Variants in DHRS12 observed in about 807,000 individuals in gnomAD.
The protein encoded by DHRS12 is dehydrogenase/reductase 12.
Under a neutral mutation model 32.1 loss-of-function variants are expected in DHRS12, and 29 were observed. That is an observed-to-expected ratio of 0.90 (90% CI 0.67 to 1.23). The LOEUF (loss-of-function observed/expected upper bound fraction) is 1.23, where lower values mean the gene tolerates loss of function less well. Ranked by LOEUF, DHRS12 falls within the 50% of genes most tolerant of loss-of-function variation. DHRS12 has a pLI of 0.00. For synonymous variants in DHRS12, 150 were observed against 135.9 expected, an observed-to-expected ratio of 1.10 and a Z score of -0.72; for missense variants, 330 against 337.2, an observed-to-expected ratio of 0.98 and a Z score of 0.17.
chr13:51,776,836 C>T (rs989102645), intron 5 of DHRS12, among the ~76,000 whole-genome samples: 3 of 151,938 alleles, frequency 2.0e-5, no homozygotes, highest in African/African-American at 4.8e-5. Context: ...ACGTGACAGC[C>T]GGAGTGGGGG....
At chr13:51,773,792 C>T (rs1287956184) in intron 6 of DHRS12, 138 bp downstream of exon 6, 3 of 725,290 alleles carry the variant, frequency 4.1e-6, no homozygotes, top group Admixed American at 4.7e-5. Flanking sequence ...GGGGAGCCCT[C>T]TTGGTGAGGG....
At chr13:51,773,001 G>C in intron 6 of DHRS12, 1 of 985,452 alleles carries the variant, frequency 1.0e-6, no homozygotes, top group Non-Finnish European at 1.2e-6. Context: ...GAAGGCGGAG[G>C]GTGCTGGCAG....
Position 51,768,850 on chromosome 13 carries a change from C to A in DHRS12, c.697+306G>T, listed in dbSNP as rs1047046827. On this transcript the variant is annotated intron_variant, in intron 8 of 8. Coordinates refer to ENST00000444610, the MANE Select transcript of DHRS12 (RefSeq NM_001377533.1). ...CTTTGCAGTGCAGCTTTGAATAGCG[C>A]CCCTCCTGGGCCTCAGCAAACTGCA... 3.0e-6 allele frequency: 4 copies of A among 1,345,306 alleles called. No individual in the cohort carries two copies. In the African/African-American group the frequency reaches 4.5e-5, roughly 15 times the overall value. 83.3% of individuals were successfully genotyped at this position (1,345,306 alleles called of 1,614,324 possible). A position where few individuals can be genotyped will look rare whatever the true frequency, so the allele number is the denominator to read the frequency against.
At position 51,769,371 on chromosome 13, in the gene DHRS12, A is replaced by G; in HGVS notation, c.560-78T>C. ...GTTGACTTCCCTTAATTTAAAAAAA[A>G]AAAAAAGTGCAAAAATGAAATGGGA... On this transcript the variant is annotated intron_variant, in intron 7 of 8. Transcript: ENST00000444610. 4 of 1,214,906 alleles carry G rather than the reference A, an allele frequency of 3.3e-6. No homozygotes were observed. The South Asian group carries it at 6.6e-5, about 20-fold the overall frequency. 75.3% of individuals were successfully genotyped at this position (1,214,906 alleles called of 1,614,324 possible). A position where few individuals can be genotyped will look rare whatever the true frequency, so the allele number is the denominator to read the frequency against.
At chr13:51,783,120 A>G (rs1954796741) in intron 4 of DHRS12, among the ~76,000 whole-genome samples, 1 of 152,186 alleles carries the variant, frequency 6.6e-6, no homozygotes, top group Non-Finnish European at 1.5e-5. Context: ...AGAAAACCGA[A>G]AATCAATGGG....
chr13:51,802,065 G>A (rs753084631), intron 1 of DHRS12, among the ~76,000 whole-genome samples: 1 of 152,044 alleles, frequency 6.6e-6, no homozygotes, highest in African/African-American at 2.4e-5. Flanking sequence ...ATCCTGGTCC[G>A]ATCTGTTGTT....
At chr13:51,774,265 T>C (rs1482476565) in intron 5 of DHRS12, 1 of 407,596 alleles carries the variant, frequency 2.5e-6, no homozygotes, top group Non-Finnish European at 4.2e-6. Context: ...TGTATTCTCC[T>C]ACAGTATTCT....
chr13:51,768,756 G>C, intron 8 of DHRS12: 1 of 1,141,016 alleles, frequency 8.8e-7, no homozygotes, highest in Non-Finnish European at 1.1e-6. Flanking sequence ...ACAGATCACT[G>C]CTTCCAAAAA....
At chr13:51,797,894 G>A in intron 2 of DHRS12, 1 of 1,535,942 alleles carries the variant, frequency 6.5e-7, no homozygotes, top group Non-Finnish European at 8.7e-7. Flanking sequence ...CGACAAACCA[G>A]GTGAACTGTG....
intron 2 of DHRS12, among the ~76,000 whole-genome samples, chr13:51,796,435 C>T (rs946124248): frequency 7.9e-5 from 12 of 152,134 alleles, no homozygotes; most frequent in African/African-American, 1.7e-4. Context: ...ATTCAAATCC[C>T]GTCAAGTGTA....
the DHRS12 span, chr13:51,762,592 G>A: frequency 2.0e-5 from 3 of 152,222 alleles, no homozygotes; most frequent in Admixed American, 6.5e-5. Context: ...AGAGAAATAT[G>A]TGCTGGTGTT....
At chr13:51,758,164 C>A in the DHRS12 span, 1 of 1,523,008 alleles carries the variant, frequency 6.6e-7, no homozygotes, top group Non-Finnish European at 9.0e-7. Flanking sequence ...CACCTTTTCC[C>A]CTCAGAAGCT....
intron 8 of DHRS12, 184 bp from the exon 9 acceptor site, chr13:51,768,480 T>G (rs1383285622): frequency 1.4e-6 from 2 of 1,425,088 alleles, no homozygotes; most frequent in Non-Finnish European, 1.8e-6. Context: ...ATATGTAAAG[T>G]GCAGTTTGGG....
chr13:51,794,125 C>G (rs1955402795), intron 2 of DHRS12, among the ~76,000 whole-genome samples: 1 of 152,218 alleles, frequency 6.6e-6, no homozygotes, highest in African/African-American at 2.4e-5. Context: ...GAACTGGAAA[C>G]AGGTGCATGT....
At chr13:51,759,788 G>A in the DHRS12 span, 1 of 1,613,310 alleles carries the variant, frequency 6.2e-7, no homozygotes, top group Non-Finnish European at 8.5e-7. Flanking sequence ...CCAGGAATCA[G>A]AAAGATAGTA....
intron 8 of DHRS12, chr13:51,768,887 C>G (rs1338233913): frequency 7.3e-7 from 1 of 1,376,574 alleles, no homozygotes; most frequent in Non-Finnish European, 9.3e-7. Context: ...AGAAAATCTT[C>G]CATTCCCAAG....
At chr13:51,802,103 C>T (rs1955782618) in intron 1 of DHRS12, among the ~76,000 whole-genome samples, 1 of 151,850 alleles carries the variant, frequency 6.6e-6, no homozygotes, top group Non-Finnish European at 1.5e-5. Context: ...ATGTACTCTG[C>T]CCCTTATTGG....
At chr13:51,773,139 T>A (rs1309472218) in intron 6 of DHRS12, 41 of 910,758 alleles carry the variant, frequency 4.5e-5, no homozygotes, top group Non-Finnish European at 4.9e-5. Context: ...AGGTTGAGCA[T>A]CCTTCATCTG....
intron 2 of DHRS12, among the ~76,000 whole-genome samples, chr13:51,797,182 A>T (rs1408585769): frequency 6.6e-6 from 1 of 152,228 alleles, no homozygotes; most frequent in African/African-American, 2.4e-5. Flanking sequence ...GGATCATGGG[A>T]ATATGATCTA....
Sources: allele counts gnomAD v4.1 joint callset (sites outside exome capture counted in the v4.1 genomes callset), GRCh38; gene constraint gnomAD v4.1.1; transcripts MANE v1.5; gene names NCBI Gene and HGNC (gene_info 2026-07-23, HGNC 2026-07-21).